SLC5A7: variants seen among roughly 807,000 people sequenced by gnomAD.
SLC5A7 encodes solute carrier family 5 member 7.
Under a neutral mutation model 55.4 loss-of-function variants are expected in SLC5A7, and 19 were observed. That is an observed-to-expected ratio of 0.34 (90% CI 0.24 to 0.50). The LOEUF is 0.50. Among genes scored for constraint, SLC5A7 ranks in the 20% least tolerant of loss-of-function variants. The pLI, the probability that SLC5A7 is intolerant of heterozygous loss-of-function variation, is 0.98. For missense variants in SLC5A7, 506 were observed against 705.3 expected, an observed-to-expected ratio of 0.72 and a Z score of 3.20; for synonymous variants, 265 against 263.7, an observed-to-expected ratio of 1.00 and a Z score of -0.05.
chr2:108,004,288 T>C (rs1678024306), intron 6 of SLC5A7, among the ~76,000 whole-genome samples: 2 of 152,238 alleles, frequency 1.3e-5, no homozygotes, highest in South Asian at 4.1e-4. Context: ...AATGATATAT[T>C]GATAAAACAG....
intron 8 of SLC5A7, among the ~76,000 whole-genome samples, chr2:108,009,099 A>C (rs1263452358): frequency 6.6e-6 from 1 of 152,048 alleles, no homozygotes; most frequent in Non-Finnish European, 1.5e-5. Context: ...GAACTGTTTT[A>C]TACTTGCACT....
chr2:108,004,012 C>A (rs1030472534), intron 6 of SLC5A7, among the ~76,000 whole-genome samples: 1 of 152,106 alleles, frequency 6.6e-6, no homozygotes, highest in African/African-American at 2.4e-5. Context: ...TAAAAGGGCC[C>A]TAATCCCATA....
In SLC5A7 at chr2:108,010,629, G is replaced by T; in HGVS notation, c.1511G>T (p.Ser504Ile). Residue 504 changes from serine to isoleucine, a missense_variant, in exon 9 of 9, where the codon AGT (serine) becomes ATT (isoleucine). Coordinates refer to ENST00000264047, the MANE Select transcript of SLC5A7 (RefSeq NM_021815.5). Reference protein sequence around the residue: ...ISYLAKYLFESGTLPPKLDVF... With the variant: ...ISYLAKYLFEIGTLPPKLDVF... ...TATCTAGCCAAGTATCTATTTGAAA[G>T]TGGAACCTTGCCACCTAAATTAGAT... The T allele has an allele frequency of 6.2e-7, 1 of 1,613,970 alleles. No homozygotes were observed. The highest frequency in any genetic ancestry group is 1.1e-5 in the South Asian group (1 of 91,084).
At position 108,013,982 on chromosome 2, in the gene SLC5A7, T is replaced by C. The variant is rs1678436349; in HGVS notation, c.*3121T>C. Reference sequence around the variant, plus strand: ...TTGGAAATAATAAATTAACATTATATTTTAAACATAAATTATGATTTCTTT... The same window carrying C: ...TTGGAAATAATAAATTAACATTATACTTTAAACATAAATTATGATTTCTTT... On this transcript the variant is annotated 3_prime_UTR_variant, in exon 9 of 9. Coordinates refer to ENST00000264047, the MANE Select transcript of SLC5A7 (RefSeq NM_021815.5). 1 of 152,138 alleles carries C rather than the reference T, an allele frequency of 6.6e-6. No individual in the cohort carries two copies. The highest frequency in any genetic ancestry group is 6.6e-5 in the Admixed American group (1 of 15,254). 9.4% of individuals were successfully genotyped at this position (152,138 alleles called of 1,614,324 possible).
chr2:108,000,798 T>A (rs1279536593), intron 5 of SLC5A7, among the ~76,000 whole-genome samples: 1 of 152,128 alleles, frequency 6.6e-6, no homozygotes, highest in Non-Finnish European at 1.5e-5. Context: ...TTTCACCAAG[T>A]TGCCCAGTCT....
At chr2:107,996,864 C>T (rs1267438805) in intron 4 of SLC5A7, among the ~76,000 whole-genome samples, 1 of 152,040 alleles carries the variant, frequency 6.6e-6, no homozygotes, top group Admixed American at 6.5e-5. Context: ...TACTGGTATC[C>T]TAGGAGCAGG....
At chr2:107,998,828 C>T (rs1394142036) in intron 5 of SLC5A7, among the ~76,000 whole-genome samples, 1 of 152,232 alleles carries the variant, frequency 6.6e-6, no homozygotes, top group South Asian at 2.1e-4. Context: ...TTCATTTTCC[C>T]AAGGATGGTT....
At chr2:107,992,905 C>T in intron 3 of SLC5A7, 67 bp from the exon 4 acceptor site, 5 of 1,541,716 alleles carry the variant, frequency 3.2e-6, no homozygotes, top group Non-Finnish European at 4.4e-6. Context: ...TGATAAATGG[C>T]AGCATAGTAA....
intron 6 of SLC5A7, among the ~76,000 whole-genome samples, chr2:108,004,152 C>T (rs1199098369): frequency 6.6e-6 from 1 of 152,150 alleles, no homozygotes; most frequent in African/African-American, 2.4e-5. Flanking sequence ...ATCATGAGAG[C>T]TTCTGTTTGT....
At chr2:107,991,410 A>T (rs942642563) in intron 2 of SLC5A7, among the ~76,000 whole-genome samples, 2 of 152,216 alleles carry the variant, frequency 1.3e-5, no homozygotes, top group Middle Eastern at 3.4e-3. Flanking sequence ...ATTTAAACTC[A>T]CTTTGGACAC....
intron 5 of SLC5A7, among the ~76,000 whole-genome samples, chr2:108,001,687 A>AAAG (rs1261437639): frequency 2.0e-5 from 3 of 150,628 alleles, no homozygotes; most frequent in Non-Finnish European, 3.0e-5. Context: ...AAAAAAAAAA[A>AAAG]AAGAAAAGAA....
Position 107,997,860 on chromosome 2 carries a change from C to T in SLC5A7, c.471C>T (p.Ile157=), listed in dbSNP as rs904669194. The change falls in exon 5 of 9, where the codon ATC becomes ATT. Residue 157 remains isoleucine, a synonymous_variant. Coordinates refer to ENST00000264047, the MANE Select transcript of SLC5A7 (RefSeq NM_021815.5). ...CAGGAGCCACCATCAGCGTGATCAT[C>T]GATGTGGATATGCACATTTCTGTCA... is the stretch of plus-strand genomic sequence containing the variant. ...SALGATISVI[I]DVDMHISVII... 8.7e-6 allele frequency: 14 copies of T among 1,609,840 alleles called. No individual in the cohort carries two copies. The African/African-American group carries it at 1.2e-4, about 14-fold the overall frequency.
intron 1 of SLC5A7, 100 bp downstream of exon 1, chr2:107,986,863 T>A (rs530606239): frequency 6.6e-6 from 1 of 151,942 alleles, no homozygotes; most frequent in Non-Finnish European, 1.5e-5. Flanking sequence ...GACGCGGCGT[T>A]TTTCCCTCTC....
chr2:108,010,036 C>T (rs1678258505), intron 8 of SLC5A7, among the ~76,000 whole-genome samples, 196 bp from the exon 9 acceptor site: 1 of 152,154 alleles, frequency 6.6e-6, no homozygotes, highest in Non-Finnish European at 1.5e-5. Context: ...GAAACCCCTC[C>T]CAAAGGTCCA....
At chr2:107,993,180 G>C (rs1247382817) in intron 4 of SLC5A7, 53 bp downstream of exon 4, 2 of 1,596,670 alleles carry the variant, frequency 1.3e-6, no homozygotes, top group Non-Finnish European at 1.7e-6. Flanking sequence ...CTAAACATCA[G>C]ATACACAACC....
chr2:107,990,255 G>A (rs1677401814), intron 2 of SLC5A7, among the ~76,000 whole-genome samples: 1 of 152,148 alleles, frequency 6.6e-6, no homozygotes, highest in Non-Finnish European at 1.5e-5. Flanking sequence ...ATCTTAGTAA[G>A]TAGCCAAGCC....
chr2:108,013,746 A>G lies in SLC5A7; in HGVS notation c.*2885A>G, dbSNP rs1473701640. On this transcript the variant is annotated 3_prime_UTR_variant, in exon 9 of 9. Coordinates refer to ENST00000264047, the MANE Select transcript of SLC5A7 (RefSeq NM_021815.5). The stretch of plus-strand genomic sequence containing the variant: ...CATACTTTTGATATGATTGTAACAT[A>G]TTTCTTGAGTAATTTAAATGCTTTG... The G allele has an allele frequency of 6.6e-6, 1 of 152,156 alleles. No individual in the cohort carries two copies. Among genetic ancestry groups the G allele is most frequent in the African/African-American group, 2.4e-5 (1 of 41,454 alleles). 9.4% of individuals were successfully genotyped at this position (152,156 alleles called of 1,614,324 possible).
At chr2:107,991,754 A>C (rs1677461889) in intron 2 of SLC5A7, among the ~76,000 whole-genome samples, 2 of 152,164 alleles carry the variant, frequency 1.3e-5, no homozygotes. Flanking sequence ...CTGCTGACTC[A>C]ATGCATTTAG....
In SLC5A7 at chr2:107,988,363, G is replaced by T. The variant is rs1573587398; in HGVS notation, c.178+30G>T. On this transcript the variant is annotated intron_variant, in intron 2 of 8. Coordinates refer to ENST00000264047, the MANE Select transcript of SLC5A7 (RefSeq NM_021815.5). ...GTTCAGACGCCGCCGGCTCCATGCA[G>T]TCCTCCCTTCCTTGGCATCTGTGAG... 4 of 1,585,710 alleles carry T rather than the reference G, an allele frequency of 2.5e-6. No individual in the cohort carries two copies. The East Asian group carries it at 9.0e-5, about 36-fold the overall frequency.
Sources: gnomAD v4.1 joint callset for allele counts (sites outside exome capture counted in the v4.1 genomes callset) on GRCh38, gnomAD v4.1.1 for gene constraint, MANE v1.5 for transcripts, NCBI Gene and HGNC (gene_info 2026-07-23, HGNC 2026-07-21) for gene names.